FOXP1: variants seen among roughly 807,000 people sequenced by gnomAD.
FOXP1 encodes forkhead box protein P1.
A neutral mutation model predicts 98.2 loss-of-function variants in FOXP1; 15 were observed. The observed-to-expected ratio is 0.15, with a 90% CI of 0.10 to 0.24. The LOEUF (loss-of-function observed/expected upper bound fraction) is 0.24, where lower values mean the gene tolerates loss of function less well. Ranked by LOEUF, FOXP1 falls within the 10% of genes least tolerant of loss-of-function variation. The probability of loss-of-function intolerance (pLI) is 1.00; values close to 1 mark genes in which losing one functional copy is unlikely to be tolerated. For synonymous variants in FOXP1, 371 were observed against 314.5 expected (o/e 1.18, Z -1.90); for missense variants, 633 against 848.5 (o/e 0.75, Z 3.15).
chr3:71,511,675 T>C (rs1469146482), intron 2 of FOXP1, among the ~76,000 whole-genome samples: 1 of 152,226 alleles, frequency 6.6e-6, no homozygotes, highest in African/African-American at 2.4e-5. Flanking sequence ...GCTCCATGTC[T>C]ACATTATTCT....
At chr3:71,318,286 G>C (rs1453019916) in intron 4 of FOXP1, among the ~76,000 whole-genome samples, 1 of 151,840 alleles carries the variant, frequency 6.6e-6, no homozygotes, top group Non-Finnish European at 1.5e-5. Flanking sequence ...AGATTTCTTG[G>C]AGAGGACCTC....
chr3:71,452,384 C>A (rs545714432), intron 3 of FOXP1, among the ~76,000 whole-genome samples: 1 of 152,182 alleles, frequency 6.6e-6, no homozygotes, highest in African/African-American at 2.4e-5. Flanking sequence ...AGGTAACAAC[C>A]TAGAAAACCA....
chr3:71,052,674 C>T (rs748164837), intron 8 of FOXP1, 48 bp from the exon 9 acceptor site: 8 of 877,996 alleles, frequency 9.1e-6, no homozygotes, highest in South Asian at 6.5e-5. Context: ...AGCGCCAATC[C>T]ACTGTCCCTT....
chr3:71,182,081 G>T (rs925961673), intron 6 of FOXP1, among the ~76,000 whole-genome samples: 4 of 151,836 alleles, frequency 2.6e-5, no homozygotes, highest in African/African-American at 9.7e-5. Context: ...AACAAATGTG[G>T]TTTTTTAAAA....
intron 4 of FOXP1, among the ~76,000 whole-genome samples, chr3:71,317,009 A>G (rs1257627278): frequency 6.6e-6 from 1 of 152,156 alleles, no homozygotes; most frequent in Non-Finnish European, 1.5e-5. Context: ...GAAATATACC[A>G]TTGTGAAACA....
At position 70,956,751 on chromosome 3, in the gene FOXP1, T is replaced by G. The variant is rs1575638076; in HGVS notation, c.*2496A>C. ...GGAAAAGTTTTTTTTTTTTTTTTTT[T>G]TTTTTTTTTTTTTTTTTTTTTTAAA... On this transcript the variant is annotated 3_prime_UTR_variant, in exon 21 of 21. Transcript: ENST00000649528. 2.2e-5 allele frequency: 4 copies of G among 185,576 alleles called. No homozygotes were observed. The East Asian group carries it at 2.2e-4, about 10-fold the overall frequency. 11.5% of individuals were successfully genotyped at this position (185,576 alleles called of 1,614,324 possible).
intron 13 of FOXP1, among the ~76,000 whole-genome samples, chr3:70,997,006 A>G (rs2041463766): frequency 6.6e-6 from 1 of 152,220 alleles, no homozygotes; most frequent in Admixed American, 6.5e-5. Flanking sequence ...GTTCAAGCTA[A>G]TCAATGATAA....
intron 3 of FOXP1, among the ~76,000 whole-genome samples, chr3:71,411,544 G>T (rs949953125): frequency 6.6e-6 from 1 of 152,020 alleles, no homozygotes; most frequent in African/African-American, 2.4e-5. Context: ...GGATGGTCTC[G>T]ATCTCCTGAC....
chr3:71,267,124 A>AGAGTGTGTGTGTGTGTGT lies in FOXP1; in HGVS notation c.-12+32695_-12+32696insACACACACACACACACTC, dbSNP rs142661368. On this transcript the variant is annotated intron_variant, in intron 5 of 20. Transcript: ENST00000649528. ...TATCACGCTGCATTTTATGGGAGAG[A>AGAGTGTGTGTGTGTGTGT]GTGTGTGTGTGTGTGTGTGTGTGTG... Among the ~76,000 whole-genome samples, 375 of 148,400 alleles carry AGAGTGTGTGTGTGTGTGT rather than the reference A, an allele frequency of 2.5e-3. 2 individuals carry two copies. The highest frequency in any genetic ancestry group is 7.1e-3 in the Admixed American group (105 of 14,860).
At chr3:71,061,146 G>A (rs1322648881) in intron 7 of FOXP1, among the ~76,000 whole-genome samples, 1 of 152,092 alleles carries the variant, frequency 6.6e-6, no homozygotes, top group Non-Finnish European at 1.5e-5. Context: ...TCACTTGGTG[G>A]GGGTGGGAGG....
chr3:71,387,820 G>A (rs575249718), intron 3 of FOXP1, among the ~76,000 whole-genome samples: 6 of 152,100 alleles, frequency 3.9e-5, no homozygotes, highest in East Asian at 1.9e-4. Context: ...TTATTTCAAC[G>A]TCTAATGCTC....
chr3:71,360,286 G>A (rs909265017), intron 3 of FOXP1, among the ~76,000 whole-genome samples: 2 of 152,102 alleles, frequency 1.3e-5, no homozygotes, highest in Non-Finnish European at 2.9e-5. Context: ...CCCTACTAGC[G>A]AAACATACAA....
At chr3:71,169,038 G>A (rs1345286443) in intron 6 of FOXP1, among the ~76,000 whole-genome samples, 1 of 152,236 alleles carries the variant, frequency 6.6e-6, no homozygotes, top group Non-Finnish European at 1.5e-5. Context: ...TTTTACAGCT[G>A]AGTCACATTT....
intron 6 of FOXP1, among the ~76,000 whole-genome samples, chr3:71,153,592 C>T (rs2060678272): frequency 6.6e-6 from 1 of 150,990 alleles, no homozygotes. Context: ...TTCTAATCCT[C>T]TTGGTTAAAC....
intron 13 of FOXP1, among the ~76,000 whole-genome samples, chr3:71,000,528 C>T (rs925497462): frequency 6.6e-6 from 1 of 152,038 alleles, no homozygotes; most frequent in Non-Finnish European, 1.5e-5. Context: ...TCTCTTCATT[C>T]ACATTCATTC....
intron 3 of FOXP1, among the ~76,000 whole-genome samples, chr3:71,374,432 A>C (rs1462413111): frequency 6.6e-6 from 1 of 152,104 alleles, no homozygotes; most frequent in Non-Finnish European, 1.5e-5. Flanking sequence ...GTTTGTACTA[A>C]AAATACAAAA....
At chr3:71,485,052 A>C (rs991047438) in intron 3 of FOXP1, among the ~76,000 whole-genome samples, 4 of 152,138 alleles carry the variant, frequency 2.6e-5, no homozygotes, top group African/African-American at 9.7e-5. Context: ...TGTCCAGTAA[A>C]TTACTCCTGG....
intron 5 of FOXP1, among the ~76,000 whole-genome samples, chr3:71,214,620 AAAT>A (rs1477742831): frequency 1.3e-5 from 2 of 152,308 alleles, no homozygotes; most frequent in East Asian, 3.9e-4. Context: ...TAGGGAATTA[AAAT>A]TACTAGTCTT....
intron 5 of FOXP1, among the ~76,000 whole-genome samples, chr3:71,203,063 T>C (rs1408228067): frequency 6.6e-6 from 1 of 152,206 alleles, no homozygotes; most frequent in Non-Finnish European, 1.5e-5. Flanking sequence ...TGTGTAATCA[T>C]ACAAAGTGCC....
Sources: gnomAD v4.1 joint callset for allele counts (sites outside exome capture counted in the v4.1 genomes callset) on GRCh38, gnomAD v4.1.1 for gene constraint, MANE v1.5 for transcripts, NCBI Gene and HGNC (gene_info 2026-07-23, HGNC 2026-07-21) for gene names.